Variants in FRMD3 observed in about 807,000 individuals in gnomAD.
The protein encoded by FRMD3 is FERM domain-containing protein 3.
Under a neutral mutation model 70.2 loss-of-function variants are expected in FRMD3, and 33 were observed. The observed-to-expected ratio is 0.47, with a 90% CI of 0.36 to 0.63. The LOEUF (loss-of-function observed/expected upper bound fraction) is 0.63, where lower values mean the gene tolerates loss of function less well. Among genes scored for constraint, FRMD3 ranks in the 20% least tolerant of loss-of-function variants. The pLI is 0.00. For synonymous variants in FRMD3, 279 were observed against 255.9 expected, an observed-to-expected ratio of 1.09 and a Z score of -0.86; for missense variants, 632 against 711.4, an observed-to-expected ratio of 0.89 and a Z score of 1.27.
intron 12 of FRMD3, among the ~76,000 whole-genome samples, 182 bp downstream of exon 12, chr9:83,298,566 C>T (rs12683854): frequency 0.11 from 17,444 of 152,288 alleles, 1,306 homozygotes; most frequent in East Asian, 0.19. Context: ...GAGCACATAA[C>T]TCAAAGTGGA....
At chr9:83,548,660 A>G in the FRMD3 span, among the ~76,000 whole-genome samples, 2 of 152,184 alleles carry the variant, frequency 1.3e-5, no homozygotes, top group Non-Finnish European at 2.9e-5. Flanking sequence ...AATACCTAAC[A>G]TTATGCATTT....
rs869226126 is a variant in FRMD3, at chr9:83,423,585, C to CTTTTTTTTTTTT, written c.148-33889_148-33878dup. Among the ~76,000 whole-genome samples, 431 of 60,482 alleles carry CTTTTTTTTTTTT rather than the reference C, an allele frequency of 7.1e-3. 62 individuals carry two copies. The highest frequency in any genetic ancestry group is 8.4e-3 in the Non-Finnish European group (283 of 33,514). The allele number at this position is 60,482 out of a possible 152,430, so 39.7% of individuals were successfully genotyped here. ...TTCCCTAGTTGCACTAGCCCTGTTT[C>CTTTTTTTTTTTT]TTTTTTTTTTTTTTTTTTTTTTTTT... On this transcript the variant is annotated intron_variant, in intron 1 of 13. Coordinates refer to ENST00000304195, the MANE Select transcript of FRMD3 (RefSeq NM_174938.6).
At chr9:83,578,333 G>A in the FRMD3 span, among the ~76,000 whole-genome samples, 10 of 151,802 alleles carry the variant, frequency 6.6e-5, no homozygotes, top group African/African-American at 2.4e-4. Flanking sequence ...ATTTTATGAG[G>A]CCAGCATTAC....
At chr9:83,509,168 CA>C (rs1389453694) in intron 1 of FRMD3, among the ~76,000 whole-genome samples, 1 of 152,210 alleles carries the variant, frequency 6.6e-6, no homozygotes, top group Non-Finnish European at 1.5e-5. Context: ...CCTAGCACCT[CA>C]AGCAGTGCCT....
chr9:83,289,521 C>G (rs1398929154), intron 13 of FRMD3, among the ~76,000 whole-genome samples: 1 of 152,232 alleles, frequency 6.6e-6, no homozygotes, highest in Non-Finnish European at 1.5e-5. Context: ...TTATGTGTCA[C>G]TGCAAATTGG....
chr9:83,580,562 G>C, the FRMD3 span, among the ~76,000 whole-genome samples: 3 of 152,044 alleles, frequency 2.0e-5, no homozygotes, highest in African/African-American at 7.2e-5. Context: ...TCTTTAAAAA[G>C]TTGAATTCAT....
At chr9:83,388,788 T>A (rs749961005) in intron 2 of FRMD3, among the ~76,000 whole-genome samples, 1 of 152,152 alleles carries the variant, frequency 6.6e-6, no homozygotes, top group Non-Finnish European at 1.5e-5. Flanking sequence ...TGAAAAAAAC[T>A]GAGGTGAAAT....
intron 1 of FRMD3, among the ~76,000 whole-genome samples, chr9:83,442,014 C>T (rs913683635): frequency 1.2e-4 from 18 of 152,214 alleles, no homozygotes; most frequent in Admixed American, 7.2e-4. Flanking sequence ...AAAGAACGTG[C>T]GCACTAAAGC....
At chr9:83,555,092 A>T in the FRMD3 span, among the ~76,000 whole-genome samples, 2 of 152,178 alleles carry the variant, frequency 1.3e-5, no homozygotes, top group African/African-American at 4.8e-5. Flanking sequence ...TCCAGTGAGG[A>T]GGAATGAGAT....
intron 1 of FRMD3, among the ~76,000 whole-genome samples, chr9:83,482,855 C>T (rs1828601101): frequency 6.6e-6 from 1 of 151,762 alleles, no homozygotes; most frequent in Non-Finnish European, 1.5e-5. Context: ...AGAATCCGGG[C>T]ATGAACACTG....
In FRMD3 at chr9:83,355,357, A is replaced by G. The variant is rs1430731934; in HGVS notation, c.296-5600T>C. The stretch of plus-strand genomic sequence containing the variant: ...CCCAACAGTATTATCATGAACAGCC[A>G]CTGTGCATCTTTACTAGACTGGGCA... On this transcript the variant is annotated intron_variant, in intron 3 of 13. Coordinates refer to ENST00000304195, the MANE Select transcript of FRMD3 (RefSeq NM_174938.6). 2.6e-5 allele frequency among the ~76,000 whole-genome samples: 4 copies of G among 152,292 alleles called. No individual in the cohort carries two copies. In the East Asian group the frequency reaches 7.7e-4, roughly 29 times the overall value.
intron 1 of FRMD3, among the ~76,000 whole-genome samples, chr9:83,434,121 A>G (rs1827061477): frequency 6.6e-6 from 1 of 152,190 alleles, no homozygotes; most frequent in Non-Finnish European, 1.5e-5. Context: ...TCAAGCTCAC[A>G]GGCTTGGCAG....
chr9:83,519,412 T>A lies in FRMD3; in HGVS notation c.147+18673A>T, dbSNP rs910928755. ...AAAAAAGCTCATCATCACTGGTCAT[T>A]AGAGAAATGCAAATCAAAACCACAA... On this transcript the variant is annotated intron_variant, in intron 1 of 13. Coordinates refer to ENST00000304195, the MANE Select transcript of FRMD3 (RefSeq NM_174938.6). 2.0e-5 allele frequency among the ~76,000 whole-genome samples: 3 copies of A among 152,096 alleles called. No homozygotes were observed. The South Asian group carries it at 6.2e-4, about 32-fold the overall frequency.
intron 10 of FRMD3, among the ~76,000 whole-genome samples, chr9:83,309,085 A>T (rs541642346): frequency 4.0e-4 from 61 of 152,078 alleles, no homozygotes; most frequent in South Asian, 1.7e-3. Context: ...TGCATCTTAT[A>T]TTGCTTCCCC....
intron 2 of FRMD3, among the ~76,000 whole-genome samples, chr9:83,378,098 G>A (rs1301647811): frequency 2.6e-5 from 4 of 152,038 alleles, no homozygotes; most frequent in Admixed American, 2.0e-4. Context: ...GCATCATGGA[G>A]AAGTTTAAAT....
At chr9:83,494,673 TG>T (rs1828899482) in intron 1 of FRMD3, among the ~76,000 whole-genome samples, 1 of 152,114 alleles carries the variant, frequency 6.6e-6, no homozygotes, top group East Asian at 1.9e-4. Context: ...GAACCCAAGG[TG>T]GGGAGGATTG....
chr9:83,534,157 C>T (rs1829844730), intron 1 of FRMD3, among the ~76,000 whole-genome samples: 1 of 152,184 alleles, frequency 6.6e-6, no homozygotes, highest in Non-Finnish European at 1.5e-5. Flanking sequence ...TCCTTCCCTT[C>T]CCCAGGCCTC....
Position 83,245,742 on chromosome 9 carries a change from G to T in FRMD3, c.*2176C>A. 1 of 984,514 alleles carries T rather than the reference G, an allele frequency of 1.0e-6. No homozygotes were observed. 61.0% of individuals were successfully genotyped at this position (984,514 alleles called of 1,614,324 possible). ...CTTTAGAGAAAATTATATGACGCAT[G>T]ATCAGAAGGGGACTAATTTTGTGCA... is the stretch of plus-strand genomic sequence containing the variant. On this transcript the variant is annotated 3_prime_UTR_variant, in exon 14 of 14. Coordinates refer to ENST00000304195, the MANE Select transcript of FRMD3 (RefSeq NM_174938.6).
At chr9:83,568,951 G>C in the FRMD3 span, among the ~76,000 whole-genome samples, 13,056 of 113,196 alleles carry the variant, frequency 0.12, 626 homozygotes, top group African/African-American at 0.17. Flanking sequence ...TAGATAGATA[G>C]ATAGATACAT....
Sources: allele counts gnomAD v4.1 joint callset (sites outside exome capture counted in the v4.1 genomes callset), GRCh38; gene constraint gnomAD v4.1.1; transcripts MANE v1.5; gene names NCBI Gene and HGNC (gene_info 2026-07-23, HGNC 2026-07-21).